Variants in GALNT17 observed in about 807,000 individuals in gnomAD.
GALNT17 encodes polypeptide N-acetylgalactosaminyltransferase 17.
Under a neutral mutation model 63.7 loss-of-function variants are expected in GALNT17, and 29 were observed. The ratio of observed to expected loss-of-function variants is 0.46; its 90% CI spans 0.34 to 0.62. The LOEUF (loss-of-function observed/expected upper bound fraction) is 0.62, where lower values mean the gene tolerates loss of function less well. GALNT17 is among the 20% of genes least tolerant of loss of function. The pLI is 0.01. For missense variants in GALNT17, 603 were observed against 799.6 expected (o/e 0.75, Z 2.97); for synonymous variants, 305 against 318.3 (o/e 0.96, Z 0.45).
At chr7:71,264,722 G>A (rs553260341) in intron 1 of GALNT17, among the ~76,000 whole-genome samples, 19 of 152,042 alleles carry the variant, frequency 1.2e-4, no homozygotes, top group East Asian at 7.8e-4. Flanking sequence ...GAAATAAGTC[G>A]GGCACAGAAA....
intron 9 of GALNT17, among the ~76,000 whole-genome samples, chr7:71,682,705 C>T (rs1267056261): frequency 6.6e-6 from 1 of 152,024 alleles, no homozygotes; most frequent in Non-Finnish European, 1.5e-5. Context: ...TCACCTTGCC[C>T]AGCTAATTTT....
chr7:71,307,390 C>T (rs1205816078), intron 1 of GALNT17, among the ~76,000 whole-genome samples: 2 of 151,748 alleles, frequency 1.3e-5, no homozygotes, highest in African/African-American at 4.8e-5. Flanking sequence ...TACGTTTTAC[C>T]CTGCTGGGTA....
At chr7:71,319,491 C>G (rs552952304) in intron 1 of GALNT17, among the ~76,000 whole-genome samples, 1 of 152,214 alleles carries the variant, frequency 6.6e-6, no homozygotes, top group Non-Finnish European at 1.5e-5. Context: ...TTCTACTGCC[C>G]AGGTCTTCTC....
intron 1 of GALNT17, among the ~76,000 whole-genome samples, chr7:71,263,164 C>T (rs929485103): frequency 4.0e-5 from 6 of 151,832 alleles, no homozygotes; most frequent in African/African-American, 1.5e-4. Context: ...TTGAGACCAT[C>T]CTGGCTAACA....
Position 71,623,690 on chromosome 7 carries a change from C to T in GALNT17, c.1081-41721C>T, listed in dbSNP as rs540856783. On this transcript the variant is annotated intron_variant, in intron 6 of 10. Coordinates refer to ENST00000333538, the MANE Select transcript of GALNT17 (RefSeq NM_022479.3). ...ACCTCAAGTGATCCACCTGCCTCAGCCTCCCAAGGTGCTGGGATTACCGGC... is the reference window on the plus strand; with the variant it reads ...ACCTCAAGTGATCCACCTGCCTCAGTCTCCCAAGGTGCTGGGATTACCGGC... Among the ~76,000 whole-genome samples, 220 of 152,310 alleles carry T rather than the reference C, an allele frequency of 1.4e-3. 1 individual carries two copies. Among genetic ancestry groups the T allele is most frequent in the African/African-American group, 5.0e-3 (208 of 41,566 alleles).
At chr7:71,590,704 G>A (rs1173085051) in intron 6 of GALNT17, among the ~76,000 whole-genome samples, 1 of 152,114 alleles carries the variant, frequency 6.6e-6, no homozygotes, top group Admixed American at 6.6e-5. Context: ...ATGTTGAATA[G>A]CACTTTCTTT....
intron 2 of GALNT17, among the ~76,000 whole-genome samples, chr7:71,342,018 G>T (rs2867408): frequency 1 from 151,943 of 152,312 alleles, 75,789 homozygotes; most frequent in Middle Eastern, 1. Flanking sequence ...CCTAGAGTTT[G>T]TGACTACATT....
intron 9 of GALNT17, among the ~76,000 whole-genome samples, chr7:71,691,334 A>G (rs1791440237): frequency 6.6e-6 from 1 of 152,256 alleles, no homozygotes; most frequent in African/African-American, 2.4e-5. Context: ...CATTTTTAAA[A>G]GGCATGCTAT....
At chr7:71,184,917 ACCCTCCCT>A (rs1332817811) in intron 1 of GALNT17, among the ~76,000 whole-genome samples, 7 of 47,474 alleles carry the variant, frequency 1.5e-4, no homozygotes, top group African/African-American at 4.7e-4. Flanking sequence ...TCTCTAACCC[ACCCTCCCT>A]CCCTCCCTTC....
intron 6 of GALNT17, among the ~76,000 whole-genome samples, chr7:71,640,367 G>A (rs1171508406): frequency 6.6e-6 from 1 of 151,998 alleles, no homozygotes; most frequent in Non-Finnish European, 1.5e-5. Flanking sequence ...CACACCAGGG[G>A]CTCTTGGCTT....
chr7:71,483,036 G>C (rs1034297341), intron 5 of GALNT17, among the ~76,000 whole-genome samples: 2 of 152,180 alleles, frequency 1.3e-5, no homozygotes, highest in East Asian at 3.9e-4. Flanking sequence ...GTGCAGCCTG[G>C]TTCCTGAAAG....
At chr7:71,292,872 C>A (rs976164674) in intron 1 of GALNT17, among the ~76,000 whole-genome samples, 3 of 152,122 alleles carry the variant, frequency 2.0e-5, no homozygotes, top group Admixed American at 6.6e-5. Context: ...TTCCCTCCCC[C>A]CATCCTCTGG....
At chr7:71,293,697 CT>C (rs2115834136) in intron 1 of GALNT17, among the ~76,000 whole-genome samples, 1 of 152,276 alleles carries the variant, frequency 6.6e-6, no homozygotes, top group South Asian at 2.1e-4. Context: ...AAAAGGATAG[CT>C]TTGCAGGGTA....
intron 3 of GALNT17, among the ~76,000 whole-genome samples, chr7:71,397,947 G>A (rs1292375602): frequency 0.03 from 1,028 of 34,776 alleles, 9 homozygotes; most frequent in African/African-American, 0.064. Flanking sequence ...TGTCTTTGTT[G>A]TTGTTGTTGT....
rs1347455955 is a variant in GALNT17, at chr7:71,238,117, C to T, written c.239-97433C>T. The stretch of plus-strand genomic sequence containing the variant: ...AGCAAACAGAGCCAGAGCTGGGCAG[C>T]TCCCCTGTGGCACAGAGCACATTCC... On this transcript the variant is annotated intron_variant, in intron 1 of 10. Coordinates refer to ENST00000333538, the MANE Select transcript of GALNT17 (RefSeq NM_022479.3). Among the ~76,000 whole-genome samples the T allele has an allele frequency of 5.3e-5, 8 of 152,228 alleles. No homozygotes were observed. In the East Asian group the frequency reaches 1.5e-3, roughly 29 times the overall value.
chr7:71,259,626 G>GTTTTTTT (rs1230386882), intron 1 of GALNT17, among the ~76,000 whole-genome samples: 9 of 137,158 alleles, frequency 6.6e-5, no homozygotes, highest in African/African-American at 2.3e-4. Flanking sequence ...TCTTGGTCCT[G>GTTTTTTT]TTTTGTTTTT....
chr7:71,669,447 G>T (rs1025141670), intron 7 of GALNT17, among the ~76,000 whole-genome samples: 3 of 152,050 alleles, frequency 2.0e-5, no homozygotes, highest in African/African-American at 7.2e-5. Context: ...GGAGGCCAAG[G>T]TTGCAGTGAG....
intron 1 of GALNT17, among the ~76,000 whole-genome samples, chr7:71,223,502 A>C (rs1789624542): frequency 6.6e-6 from 1 of 151,358 alleles, no homozygotes; most frequent in Non-Finnish European, 1.5e-5. Context: ...CCCTTTTGAC[A>C]TGACCCCATA....
chr7:71,222,623 C>T (rs1294063766), intron 1 of GALNT17, among the ~76,000 whole-genome samples: 1 of 152,070 alleles, frequency 6.6e-6, no homozygotes, highest in Non-Finnish European at 1.5e-5. Flanking sequence ...GAGGACTAGT[C>T]AGGTGTTTTG....
Sources: gnomAD v4.1 joint callset for allele counts (sites outside exome capture counted in the v4.1 genomes callset) on GRCh38, gnomAD v4.1.1 for gene constraint, MANE v1.5 for transcripts, NCBI Gene and HGNC (gene_info 2026-07-23, HGNC 2026-07-21) for gene names.